Variants in KCNJ6 observed in about 807,000 individuals in gnomAD.
KCNJ6 encodes potassium inwardly rectifying channel subfamily J member 6, also known as G protein-activated inward rectifier potassium channel 2.
In KCNJ6, 9 loss-of-function variants were observed where a neutral mutation model predicts 34.2. The ratio of observed to expected loss-of-function variants is 0.26; its 90% CI spans 0.16 to 0.46. The LOEUF is 0.46. Ranked by LOEUF, KCNJ6 falls within the 20% of genes least tolerant of loss-of-function variation. The probability of loss-of-function intolerance (pLI) is 1.00; values close to 1 mark genes in which losing one functional copy is unlikely to be tolerated. For synonymous variants in KCNJ6, 196 were observed against 207.1 expected (o/e 0.95, Z 0.46); for missense variants, 236 against 531.3 (o/e 0.44, Z 5.46).
intron 2 of KCNJ6, among the ~76,000 whole-genome samples, chr21:37,762,267 G>T (rs2055069215): frequency 6.6e-6 from 1 of 152,198 alleles, no homozygotes; most frequent in Non-Finnish European, 1.5e-5. Context: ...AGCACAGATG[G>T]CTCCTTCCAA....
At chr21:37,807,094 T>A (rs16995512) in intron 2 of KCNJ6, among the ~76,000 whole-genome samples, 3,314 of 152,312 alleles carry the variant, frequency 0.022, 129 homozygotes, top group African/African-American at 0.075. Context: ...GAAATTGCTA[T>A]GAAGATTGGC....
At chr21:37,741,101 A>G (rs1293445058) in intron 2 of KCNJ6, among the ~76,000 whole-genome samples, 1 of 152,188 alleles carries the variant, frequency 6.6e-6, no homozygotes, top group Non-Finnish European at 1.5e-5. Flanking sequence ...TCCAGGTCAG[A>G]TCTTTCTTTC....
chr21:37,812,148 C>T (rs1177223878), intron 2 of KCNJ6, among the ~76,000 whole-genome samples: 1 of 152,130 alleles, frequency 6.6e-6, no homozygotes, highest in Non-Finnish European at 1.5e-5. Context: ...AATAAAAATG[C>T]TCTGGTTATA....
At chr21:37,719,046 TA>T (rs1049981868) in intron 2 of KCNJ6, among the ~76,000 whole-genome samples, 1 of 149,594 alleles carries the variant, frequency 6.7e-6, no homozygotes, top group Admixed American at 6.6e-5. Flanking sequence ...TTGAGAGAAA[TA>T]AAAAAAGCCA....
chr21:37,812,179 A>T lies in KCNJ6; in HGVS notation c.25+28479T>A, dbSNP rs1003848597. On this transcript the variant is annotated intron_variant, in intron 2 of 3. Coordinates refer to ENST00000609713, the MANE Select transcript of KCNJ6 (RefSeq NM_002240.5). ...TTATACCACACTTTCTGAGGAAATCATAAGTCCTGTTACCCTAGTGTTTGG... is the reference window on the plus strand; with the variant it reads ...TTATACCACACTTTCTGAGGAAATCTTAAGTCCTGTTACCCTAGTGTTTGG... Among the ~76,000 whole-genome samples the T allele has an allele frequency of 2.0e-5, 3 of 152,314 alleles. No individual in the cohort carries two copies. The East Asian group carries it at 5.8e-4, about 29-fold the overall frequency.
chr21:37,902,821 A>C (rs2055823377), intron 1 of KCNJ6, among the ~76,000 whole-genome samples: 1 of 152,160 alleles, frequency 6.6e-6, no homozygotes, highest in Non-Finnish European at 1.5e-5. Context: ...CTTTTAATTG[A>C]CATCTCAAAT....
intron 3 of KCNJ6, among the ~76,000 whole-genome samples, chr21:37,712,378 T>C (rs1028452630): frequency 4.6e-5 from 7 of 152,180 alleles, no homozygotes; most frequent in African/African-American, 1.4e-4. Flanking sequence ...TCAGCTGAGG[T>C]TGGGGAAGTT....
At chr21:37,683,914 C>T (rs754317174) in intron 3 of KCNJ6, among the ~76,000 whole-genome samples, 60 of 152,148 alleles carry the variant, frequency 3.9e-4, no homozygotes, top group Non-Finnish European at 6.6e-4. Context: ...GGAGGCCAGG[C>T]ATGAATCTTT....
intron 3 of KCNJ6, among the ~76,000 whole-genome samples, chr21:37,631,480 C>A (rs1006378983): frequency 2.0e-5 from 3 of 152,160 alleles, no homozygotes; most frequent in Non-Finnish European, 4.4e-5. Context: ...GGGAATAACA[C>A]GCCTATTCCT....
chr21:37,617,041 TTTCTTTCTTTCTTTTC>T lies in KCNJ6; in HGVS notation c.*8102_*8117del, dbSNP rs1569430055. On this transcript the variant is annotated 3_prime_UTR_variant, in exon 4 of 4. Coordinates refer to ENST00000609713, the MANE Select transcript of KCNJ6 (RefSeq NM_002240.5). ...CTTTCTTTCTTTCTTTCTTTCTTTC[TTTCTTTCTTTCTTTTC>T]TTTTCTTTTCTTTTCTTTTCTTTCT... The T allele has an allele frequency of 1.5e-4, 1 of 6,478 alleles. No homozygotes were observed. Among genetic ancestry groups the T allele is most frequent in the African/African-American group, 6.4e-4 (1 of 1,562 alleles). 0.4% of individuals were successfully genotyped at this position (6,478 alleles called of 1,614,324 possible).
At chr21:37,762,519 C>G (rs1163615978) in intron 2 of KCNJ6, among the ~76,000 whole-genome samples, 1 of 152,188 alleles carries the variant, frequency 6.6e-6, no homozygotes, top group Non-Finnish European at 1.5e-5. Context: ...AACTGCCTGC[C>G]AAGTTTGCTG....
intron 2 of KCNJ6, among the ~76,000 whole-genome samples, chr21:37,825,660 G>A (rs1043000011): frequency 3.3e-5 from 5 of 151,976 alleles, no homozygotes; most frequent in African/African-American, 7.3e-5. Flanking sequence ...GTATTCGTCC[G>A]TTTCCACACT....
intron 3 of KCNJ6, among the ~76,000 whole-genome samples, chr21:37,660,096 G>A (rs2054481199): frequency 6.6e-6 from 1 of 152,256 alleles, no homozygotes; most frequent in Non-Finnish European, 1.5e-5. Flanking sequence ...TGGCTTTGGT[G>A]TGCCCACTTC....
At chr21:37,648,349 C>A (rs1229045942) in intron 3 of KCNJ6, among the ~76,000 whole-genome samples, 1 of 152,152 alleles carries the variant, frequency 6.6e-6, no homozygotes, top group African/African-American at 2.4e-5. Context: ...TGGCTGAACT[C>A]TTGGACTTCT....
intron 3 of KCNJ6, among the ~76,000 whole-genome samples, chr21:37,663,405 A>G (rs2054498979): frequency 1.3e-5 from 2 of 152,264 alleles, no homozygotes; most frequent in South Asian, 4.1e-4. Flanking sequence ...GTTGAAGACC[A>G]CTGTCTTAGA....
chr21:37,712,523 C>CT (rs1405620368), intron 3 of KCNJ6, among the ~76,000 whole-genome samples: 4 of 118,600 alleles, frequency 3.4e-5, no homozygotes, highest in African/African-American at 1.2e-4. Context: ...TCTCCTTCCT[C>CT]CCTTTCTCTT....
chr21:37,810,035 T>A (rs1345270236), intron 2 of KCNJ6, among the ~76,000 whole-genome samples: 5 of 152,344 alleles, frequency 3.3e-5, no homozygotes, highest in Admixed American at 3.3e-4. Flanking sequence ...GCATAGCCTA[T>A]CCTACCTAAC....
At chr21:37,776,760 T>C (rs2055144563) in intron 2 of KCNJ6, among the ~76,000 whole-genome samples, 1 of 152,230 alleles carries the variant, frequency 6.6e-6, no homozygotes, top group African/African-American at 2.4e-5. Flanking sequence ...CAGTATTTTA[T>C]TGAGGATTTT....
At chr21:37,685,948 C>A (rs1787413) in intron 3 of KCNJ6, among the ~76,000 whole-genome samples, 148,691 of 152,116 alleles carry the variant, frequency 0.98, 72,709 homozygotes, top group East Asian at 1. Context: ...TTGTGTAACA[C>A]AATAGGAATA....
Sources: gnomAD v4.1 joint callset for allele counts (sites outside exome capture counted in the v4.1 genomes callset) on GRCh38, gnomAD v4.1.1 for gene constraint, MANE v1.5 for transcripts, NCBI Gene and HGNC (gene_info 2026-07-23, HGNC 2026-07-21) for gene names.